Variants in MYO16 observed in about 807,000 individuals in gnomAD.
MYO16 encodes the protein myosin XVI.
MYO16 carries 94 observed loss-of-function variants against 205.3 expected under a neutral mutation model. That is an observed-to-expected ratio of 0.46 (90% CI 0.39 to 0.54). The LOEUF is 0.54. MYO16 is among the 20% of genes least tolerant of loss of function. The pLI, the probability that MYO16 is intolerant of heterozygous loss-of-function variation, is 0.00. For missense variants in MYO16, 2,315 were observed against 2,387.5 expected (o/e 0.97, Z 0.63); for synonymous variants, 988 against 954.0 (o/e 1.04, Z -0.66).
the MYO16 span, among the ~76,000 whole-genome samples, chr13:108,564,918 C>T: frequency 1.3e-5 from 2 of 152,118 alleles, no homozygotes; most frequent in Non-Finnish European, 2.9e-5. Flanking sequence ...GTCTTTTCCC[C>T]AATGTATGTT....
In MYO16 at chr13:109,055,496, A is replaced by G; in HGVS notation, c.3236A>G (p.Tyr1079Cys). 3 of 1,613,164 alleles carry G rather than the reference A, an allele frequency of 1.9e-6. No homozygotes were observed. Among genetic ancestry groups the G allele is most frequent in the Non-Finnish European group, 2.5e-6 (3 of 1,179,390 alleles). Residue 1079 changes from tyrosine (Y) to cysteine (C), a missense_variant, in exon 27 of 35, where the codon TAC becomes TGC. Tyr to Cys is a radical substitution (Grantham distance 194). Coordinates refer to ENST00000457511, the MANE Select transcript of MYO16 (RefSeq NM_001198950.3). This position sits in a 1 kb window ranked among gnomAD's most constrained non-coding sequence, Gnocchi z 5.0. ...CTGCCAGATACTTTTGATAATTTTT[A>G]CGTGTCTGCTCAGCTACAATATATT... is the stretch of plus-strand genomic sequence containing the variant. ...SKLPDTFDNF[Y>C]VSAQLQYIGV...
chr13:108,967,333 A>G (rs151316240), intron 20 of MYO16, among the ~76,000 whole-genome samples: 4 of 152,318 alleles, frequency 2.6e-5, no homozygotes, highest in Non-Finnish European at 5.9e-5. Context: ...TAGGCCCAAT[A>G]TTAATCATAT....
chr13:108,496,420 T>C, the MYO16 span, among the ~76,000 whole-genome samples: 1 of 151,854 alleles, frequency 6.6e-6, no homozygotes, highest in Admixed American at 6.6e-5. Context: ...AGATGTAGAG[T>C]GAAGGAGGGC....
At chr13:108,904,470 A>G (rs1475376435) in intron 15 of MYO16, among the ~76,000 whole-genome samples, 2 of 152,140 alleles carry the variant, frequency 1.3e-5, no homozygotes, top group African/African-American at 4.8e-5. Flanking sequence ...CTGAATCCCT[A>G]CAAATTTGTA....
intron 7 of MYO16, among the ~76,000 whole-genome samples, chr13:108,815,530 A>G (rs1875535669): frequency 6.6e-6 from 1 of 152,146 alleles, no homozygotes; most frequent in African/African-American, 2.4e-5. Context: ...AATGTGGGTG[A>G]CCTCAAAACT....
chr13:109,196,878 A>G (rs1021390051), intron 34 of MYO16, among the ~76,000 whole-genome samples: 1 of 152,222 alleles, frequency 6.6e-6, no homozygotes, highest in African/African-American at 2.4e-5. Context: ...CAGAATAACT[A>G]GCAAGTGTCT....
intron 4 of MYO16, among the ~76,000 whole-genome samples, chr13:108,769,784 G>T (rs953240422): frequency 6.6e-6 from 1 of 152,158 alleles, no homozygotes; most frequent in African/African-American, 2.4e-5. Context: ...GAGAAATCAA[G>T]AATTTCCTTA....
intron 5 of MYO16, among the ~76,000 whole-genome samples, chr13:108,792,354 G>A (rs891834845): frequency 1.3e-5 from 2 of 152,106 alleles, no homozygotes; most frequent in Admixed American, 6.6e-5. Context: ...TCTAAAGACA[G>A]CGCAGAGTTC....
At chr13:108,785,770 A>G in intron 5 of MYO16, 27 bp downstream of exon 5, 1 of 1,371,270 alleles carries the variant, frequency 7.3e-7, no homozygotes, top group Non-Finnish European at 1.0e-6. Context: ...AAAACCATAG[A>G]AAAAAATAGA....
chr13:108,835,592 A>G (rs2139051534), intron 9 of MYO16, among the ~76,000 whole-genome samples: 1 of 152,298 alleles, frequency 6.6e-6, no homozygotes, highest in Non-Finnish European at 1.5e-5. Flanking sequence ...GGCTGAGAAG[A>G]AGACAGGAAG....
chr13:109,176,249 A>T (rs1459062358), intron 33 of MYO16, among the ~76,000 whole-genome samples: 1 of 151,340 alleles, frequency 6.6e-6, no homozygotes, highest in African/African-American at 2.4e-5. Context: ...TGTATTACTT[A>T]TTAGCCATTC....
upstream of MYO16, among the ~76,000 whole-genome samples, chr13:108,628,774 G>A (rs1879845481): frequency 6.6e-6 from 1 of 152,090 alleles, no homozygotes; most frequent in Non-Finnish European, 1.5e-5. Flanking sequence ...AGAAGGATGG[G>A]TGCACTTAAC....
intron 1 of MYO16, among the ~76,000 whole-genome samples, chr13:108,603,618 T>C (rs376457856): frequency 1.8e-3 from 272 of 152,294 alleles, no homozygotes; most frequent in African/African-American, 6.4e-3. Context: ...GTTAATTTTC[T>C]CCTACTCTGA....
chr13:108,713,976 C>G (rs1883824255), intron 3 of MYO16, among the ~76,000 whole-genome samples: 2 of 152,204 alleles, frequency 1.3e-5, no homozygotes, highest in Admixed American at 1.3e-4. Flanking sequence ...CAAGCCTAGA[C>G]TAGGCACATT....
chr13:108,829,182 T>C (rs1331457821), intron 9 of MYO16, among the ~76,000 whole-genome samples: 2 of 152,180 alleles, frequency 1.3e-5, no homozygotes, highest in Non-Finnish European at 2.9e-5. Context: ...GTTAGCATAA[T>C]TGTACTGCAG....
chr13:108,850,340 G>A (rs1029019891), intron 10 of MYO16, among the ~76,000 whole-genome samples: 2 of 152,238 alleles, frequency 1.3e-5, no homozygotes, highest in Non-Finnish European at 2.9e-5. Context: ...TCCACACAAT[G>A]GAGACGAGGG....
At chr13:108,571,799 C>T in the MYO16 span, among the ~76,000 whole-genome samples, 4 of 150,764 alleles carry the variant, frequency 2.7e-5, no homozygotes, top group Non-Finnish European at 5.9e-5. Flanking sequence ...AGTTGGCTGA[C>T]TGTGAGTTCC....
intron 2 of MYO16, among the ~76,000 whole-genome samples, chr13:108,696,686 A>G (rs1425685256): frequency 6.6e-6 from 1 of 152,164 alleles, no homozygotes; most frequent in Non-Finnish European, 1.5e-5. Flanking sequence ...ATACAGGTAA[A>G]CATTAATTAG....
At chr13:108,965,802 T>C (rs1883771988) in intron 20 of MYO16, among the ~76,000 whole-genome samples, 1 of 152,354 alleles carries the variant, frequency 6.6e-6, no homozygotes, top group Non-Finnish European at 1.5e-5. Flanking sequence ...TTCTTGTTAT[T>C]CTTGTCACTA....
Sources: allele counts gnomAD v4.1 joint callset (sites outside exome capture counted in the v4.1 genomes callset), GRCh38; gene constraint gnomAD v4.1.1; non-coding constraint Gnocchi (gnomAD v3.1); transcripts MANE v1.5; gene names NCBI Gene and HGNC (gene_info 2026-07-23, HGNC 2026-07-21).